Variants in PLCB4 observed in about 807,000 individuals in gnomAD.
PLCB4 encodes 1-phosphatidylinositol 4,5-bisphosphate phosphodiesterase beta-4.
PLCB4 carries 77 observed loss-of-function variants against 178.8 expected under a neutral mutation model. The observed-to-expected ratio is 0.43, with a 90% CI of 0.36 to 0.52. The LOEUF (loss-of-function observed/expected upper bound fraction) is 0.52. PLCB4 is among the 20% of genes least tolerant of loss of function. The pLI, the probability that PLCB4 is intolerant of heterozygous loss-of-function variation, is 0.00. For missense variants in PLCB4, 1,024 were observed against 1,453.4 expected (o/e 0.70, Z 4.80); for synonymous variants, 496 against 490.8 (o/e 1.01, Z -0.14).
chr20:9,335,893 A>G (rs1009392542), intron 4 of PLCB4, among the ~76,000 whole-genome samples: 6 of 152,176 alleles, frequency 3.9e-5, no homozygotes, highest in Non-Finnish European at 7.3e-5. Context: ...CTGCCAGAAA[A>G]CTACCCAAAT....
intron 21 of PLCB4, among the ~76,000 whole-genome samples, chr20:9,406,602 T>C (rs1235195121): frequency 5.3e-5 from 8 of 151,982 alleles, no homozygotes; most frequent in Non-Finnish European, 2.9e-5. Context: ...CATTCGCCAT[T>C]CTCCTGCCTC....
At chr20:9,282,691 T>C (rs1263442579) in intron 3 of PLCB4, among the ~76,000 whole-genome samples, 1 of 152,018 alleles carries the variant, frequency 6.6e-6, no homozygotes, top group East Asian at 1.9e-4. Flanking sequence ...CCTCAAATTT[T>C]GCAGAATTTT....
intron 2 of PLCB4, among the ~76,000 whole-genome samples, chr20:9,131,955 T>A (rs754422428): frequency 6.6e-6 from 1 of 152,150 alleles, no homozygotes; most frequent in Admixed American, 6.5e-5. Flanking sequence ...CCCTGAATGA[T>A]GAGAGGCCGT....
chr20:9,161,122 C>T (rs1568866031), intron 2 of PLCB4, among the ~76,000 whole-genome samples: 1 of 152,138 alleles, frequency 6.6e-6, no homozygotes, highest in African/African-American at 2.4e-5. Flanking sequence ...AGATAGATAT[C>T]ATTATCCCAA....
At chr20:9,284,127 G>A (rs1299654260) in intron 3 of PLCB4, among the ~76,000 whole-genome samples, 1 of 152,030 alleles carries the variant, frequency 6.6e-6, no homozygotes, top group Non-Finnish European at 1.5e-5. Context: ...AGTTGTTGAT[G>A]TGTGTTACGT....
At chr20:9,392,371 A>G (rs1457423085) in intron 17 of PLCB4, among the ~76,000 whole-genome samples, 1 of 152,204 alleles carries the variant, frequency 6.6e-6, no homozygotes, top group Non-Finnish European at 1.5e-5. Flanking sequence ...AGAGGTTTCC[A>G]TTGGTTACTT....
chr20:9,421,557 G>T (rs552403484), intron 27 of PLCB4, 96 bp downstream of exon 27: 2 of 904,102 alleles, frequency 2.2e-6, no homozygotes, highest in Admixed American at 2.0e-5. Flanking sequence ...TTATTCAACC[G>T]ACAACATCTT....
Position 9,435,734 on chromosome 20 carries a change from A to G in PLCB4, c.2613+86A>G, listed in dbSNP as rs1018650282. 3 of 771,346 alleles carry G rather than the reference A, an allele frequency of 3.9e-6. No individual in the cohort carries two copies. In the African/African-American group the frequency reaches 5.3e-5, roughly 14 times the overall value. 47.8% of individuals were successfully genotyped at this position (771,346 alleles called of 1,614,324 possible). On this transcript the variant is annotated intron_variant, in intron 29 of 39. Transcript: ENST00000378473. ...TTTACAAAAACAAGACAAAGTAATG[A>G]ATTAGCAAATTTAAGGAGGGTTTTT... is the stretch of plus-strand genomic sequence containing the variant.
chr20:9,183,201 C>T (rs1027359942), intron 2 of PLCB4, among the ~76,000 whole-genome samples: 13 of 152,222 alleles, frequency 8.5e-5, no homozygotes, highest in Non-Finnish European at 1.3e-4. Context: ...TCACCTATCT[C>T]GTGAAAATGT....
chr20:9,408,108 A>T (rs768367967), intron 22 of PLCB4, 50 bp downstream of exon 22: 8 of 1,450,362 alleles, frequency 5.5e-6, no homozygotes, highest in Non-Finnish European at 5.7e-6. Context: ...ATTTTCTTTT[A>T]TGGTGCTGAT....
At chr20:9,288,688 G>A (rs1349094311) in intron 3 of PLCB4, among the ~76,000 whole-genome samples, 2 of 151,922 alleles carry the variant, frequency 1.3e-5, no homozygotes, top group Non-Finnish European at 2.9e-5. Flanking sequence ...CAGAGGAGGT[G>A]GAGGGATGGC....
intron 36 of PLCB4, among the ~76,000 whole-genome samples, chr20:9,471,668 T>C (rs1301108869): frequency 6.6e-6 from 1 of 152,150 alleles, no homozygotes; most frequent in African/African-American, 2.4e-5. Flanking sequence ...ACCTCACCAG[T>C]AGTCAGGGAA....
At chr20:9,429,919 C>T (rs529338568) in intron 28 of PLCB4, among the ~76,000 whole-genome samples, 1 of 152,304 alleles carries the variant, frequency 6.6e-6, no homozygotes, top group Admixed American at 6.5e-5. Context: ...ACAGAATGAA[C>T]ACCTGCCACC....
At chr20:9,430,962 A>G (rs144015075) in intron 28 of PLCB4, among the ~76,000 whole-genome samples, 460 of 152,300 alleles carry the variant, frequency 3.0e-3, no homozygotes, top group African/African-American at 0.01. Flanking sequence ...TTTTCCCCTC[A>G]ATTACTGTTG....
intron 6 of PLCB4, 39 bp downstream of exon 6, chr20:9,338,106 T>C (rs777302075): frequency 2.2e-6 from 3 of 1,372,470 alleles, no homozygotes; most frequent in Non-Finnish European, 3.1e-6. Context: ...AACACGGATT[T>C]ACTTATATTG....
chr20:9,100,595 C>G (rs1473951710), intron 2 of PLCB4, among the ~76,000 whole-genome samples: 2 of 151,986 alleles, frequency 1.3e-5, no homozygotes, highest in Non-Finnish European at 2.9e-5. Context: ...TCAAACATCC[C>G]CCATGGATTT....
intron 12 of PLCB4, among the ~76,000 whole-genome samples, chr20:9,378,488 T>A (rs2036864547): frequency 6.6e-6 from 1 of 152,138 alleles, no homozygotes; most frequent in African/African-American, 2.4e-5. Flanking sequence ...GCTCCTTGTT[T>A]CCTTGAGTAG....
intron 3 of PLCB4, among the ~76,000 whole-genome samples, chr20:9,244,646 A>G (rs965312663): frequency 1.3e-5 from 2 of 152,206 alleles, no homozygotes; most frequent in African/African-American, 4.8e-5. Context: ...ACTTTACTGT[A>G]TGTACTTGAT....
At chr20:9,434,982 T>C (rs2041672394) in intron 28 of PLCB4, among the ~76,000 whole-genome samples, 1 of 152,194 alleles carries the variant, frequency 6.6e-6, no homozygotes, top group Non-Finnish European at 1.5e-5. Flanking sequence ...AAATATTAAA[T>C]TCTACTATCT....
Sources: gnomAD v4.1 joint callset for allele counts (sites outside exome capture counted in the v4.1 genomes callset) on GRCh38, gnomAD v4.1.1 for gene constraint, MANE v1.5 for transcripts, NCBI Gene and HGNC (gene_info 2026-07-23, HGNC 2026-07-21) for gene names.